NTM: variants seen among roughly 807,000 people sequenced by gnomAD.
NTM encodes the protein neurotrimin.
Under a neutral mutation model 42.1 loss-of-function variants are expected in NTM, and 13 were observed. That is an observed-to-expected ratio of 0.31 (90% CI 0.20 to 0.49). The LOEUF is 0.49. Ranked by LOEUF, NTM falls within the 20% of genes least tolerant of loss-of-function variation. NTM has a pLI of 0.99. For missense variants in NTM, 373 were observed against 452.8 expected (o/e 0.82, Z 1.60); for synonymous variants, 187 against 179.2 (o/e 1.04, Z -0.35).
At chr11:131,593,179 TC>T (rs1222102830) in intron 1 of NTM, among the ~76,000 whole-genome samples, 3 of 152,134 alleles carry the variant, frequency 2.0e-5, no homozygotes, top group Non-Finnish European at 4.4e-5. Context: ...GTCCTGTCCC[TC>T]CTGCAGCCCC....
At chr11:131,577,376 A>G (rs73030216) in intron 1 of NTM, among the ~76,000 whole-genome samples, 8,307 of 152,172 alleles carry the variant, frequency 0.055, 342 homozygotes, top group Non-Finnish European at 0.078. Context: ...CTATCTATCA[A>G]CTCTTATAGC....
intron 4 of NTM, among the ~76,000 whole-genome samples, chr11:132,274,744 A>G (rs2093638766): frequency 6.6e-6 from 1 of 152,122 alleles, no homozygotes; most frequent in Non-Finnish European, 1.5e-5. Context: ...AGTGCACTTG[A>G]GAAGGATGTT....
chr11:132,169,402 C>G (rs2137806576), intron 3 of NTM, among the ~76,000 whole-genome samples: 1 of 117,458 alleles, frequency 8.5e-6, no homozygotes, highest in East Asian at 2.9e-4. Flanking sequence ...GTGGCGGGAT[C>G]TCAGCTCACT....
intron 1 of NTM, among the ~76,000 whole-genome samples, chr11:131,683,263 T>G (rs1387840532): frequency 6.6e-6 from 1 of 152,192 alleles, no homozygotes; most frequent in East Asian, 1.9e-4. Flanking sequence ...TTTCTCTGGT[T>G]TTTGCTCCTC....
At chr11:132,310,989 T>A (rs1226265793) in intron 6 of NTM, among the ~76,000 whole-genome samples, 1 of 152,052 alleles carries the variant, frequency 6.6e-6, no homozygotes, top group East Asian at 1.9e-4. Context: ...AACATTTTCA[T>A]TGAAAAAGAG....
At chr11:131,811,509 A>T (rs528198322) in intron 1 of NTM, among the ~76,000 whole-genome samples, 1 of 152,160 alleles carries the variant, frequency 6.6e-6, no homozygotes, top group Non-Finnish European at 1.5e-5. Flanking sequence ...ATCATTAATC[A>T]CTGTAATCAG....
At chr11:132,239,958 T>C (rs1182736487) in intron 4 of NTM, among the ~76,000 whole-genome samples, 1 of 152,040 alleles carries the variant, frequency 6.6e-6, no homozygotes, top group Non-Finnish European at 1.5e-5. Context: ...CATTCATCCA[T>C]CCAACCACCC....
At chr11:131,873,511 C>G (rs1252298183) in intron 1 of NTM, among the ~76,000 whole-genome samples, 1 of 139,470 alleles carries the variant, frequency 7.2e-6, no homozygotes. Flanking sequence ...ACATGTATCC[C>G]AGAACTTAAA....
intron 1 of NTM, chr11:131,671,637 CTG>C: frequency 1.0e-6 from 1 of 979,990 alleles, no homozygotes; most frequent in Non-Finnish European, 1.2e-6. Flanking sequence ...GCTCAGAGCC[CTG>C]TGAGAACCAC....
intron 1 of NTM, among the ~76,000 whole-genome samples, chr11:131,625,041 C>G (rs2062965597): frequency 6.6e-6 from 1 of 152,180 alleles, no homozygotes; most frequent in South Asian, 2.1e-4. Flanking sequence ...TCACCTTATT[C>G]TGTTTATCTG....
intron 1 of NTM, chr11:131,660,596 A>C (rs1472310929): frequency 2.2e-6 from 1 of 457,470 alleles, no homozygotes. Context: ...CTTGCTGCCC[A>C]CATCTGAGGG....
At chr11:132,044,050 ATG>A (rs2077574430) in intron 2 of NTM, among the ~76,000 whole-genome samples, 3 of 130,972 alleles carry the variant, frequency 2.3e-5, no homozygotes, top group Non-Finnish European at 5.1e-5. Flanking sequence ...GTGTATGGGT[ATG>A]TGTGTATGTG....
chr11:132,026,145 C>T (rs2075143849), intron 2 of NTM, among the ~76,000 whole-genome samples: 1 of 152,156 alleles, frequency 6.6e-6, no homozygotes, highest in South Asian at 2.1e-4. Flanking sequence ...GAATGCGGTG[C>T]ATTTTGCAGA....
rs903150376 is a variant in NTM at position 132,138,485 on chromosome 11, C to T, written c.168-7797C>T. Among the ~76,000 whole-genome samples, 6 of 152,090 alleles carry T rather than the reference C, an allele frequency of 3.9e-5. No homozygotes were observed. In the South Asian group the frequency reaches 6.2e-4, roughly 16 times the overall value. On this transcript the variant is annotated intron_variant, in intron 2 of 8. Coordinates refer to ENST00000683400, the MANE Select transcript of NTM (RefSeq NM_001352005.2). ...GTACAGGAAACAGTGAAAAGTGGTC[C>T]GGTGCACCTAATGAATGTCATGTTC...
At chr11:131,885,718 C>T (rs562092312) in intron 1 of NTM, among the ~76,000 whole-genome samples, 48 of 152,228 alleles carry the variant, frequency 3.2e-4, no homozygotes, top group African/African-American at 1.1e-3. Context: ...GTACTGAGGC[C>T]GCGGTTGAAT....
At chr11:132,229,403 A>G (rs1324023064) in intron 4 of NTM, among the ~76,000 whole-genome samples, 1 of 152,170 alleles carries the variant, frequency 6.6e-6, no homozygotes, top group African/African-American at 2.4e-5. Flanking sequence ...CTGTTTCAAT[A>G]CTAACAAGAA....
intron 8 of NTM, among the ~76,000 whole-genome samples, chr11:132,330,485 C>T (rs1427734430): frequency 6.6e-6 from 1 of 152,204 alleles, no homozygotes; most frequent in African/African-American, 2.4e-5. Context: ...CCAGGCCTGC[C>T]TCTTTCCTCA....
At chr11:132,135,869 C>T (rs1222162089) in intron 2 of NTM, among the ~76,000 whole-genome samples, 2 of 152,156 alleles carry the variant, frequency 1.3e-5, no homozygotes, top group African/African-American at 2.4e-5. Flanking sequence ...AGGGAGGGCT[C>T]TGGAATGACA....
At chr11:131,712,712 T>C (rs754614826) in intron 1 of NTM, among the ~76,000 whole-genome samples, 96 of 152,186 alleles carry the variant, frequency 6.3e-4, no homozygotes, top group Non-Finnish European at 1.2e-3. Context: ...GCCTCCCAAG[T>C]AGCTGGGACT....
Sources: gnomAD v4.1 joint callset for allele counts (sites outside exome capture counted in the v4.1 genomes callset) on GRCh38, gnomAD v4.1.1 for gene constraint, MANE v1.5 for transcripts, NCBI Gene and HGNC (gene_info 2026-07-23, HGNC 2026-07-21) for gene names.